The following DMBT1 variants were observed in gnomAD, a reference collection of about 807,000 sequenced individuals.
The protein encoded by DMBT1 is deleted in malignant brain tumors 1.
DMBT1 carries 198 observed loss-of-function variants against 252.9 expected under a neutral mutation model. The ratio of observed to expected loss-of-function variants is 0.78; its 90% CI spans 0.70 to 0.88. DMBT1 has a LOEUF of 0.88. DMBT1 is among the 40% of genes least tolerant of loss of function. The pLI is 0.00. For synonymous variants in DMBT1, 990 were observed against 942.7 expected (o/e 1.05, Z -0.92); for missense variants, 2,432 against 2,404.7 (o/e 1.01, Z -0.24).
intron 55 of DMBT1, among the ~76,000 whole-genome samples, chr10:122,642,752 T>G (rs934036790): frequency 6.6e-6 from 1 of 152,306 alleles, no homozygotes; most frequent in East Asian, 1.9e-4. Flanking sequence ...GCCCTGTCTC[T>G]GGGTCCCGCT....
Position 122,580,849 on chromosome 10 carries a change from T to C in DMBT1, c.1004-17T>C, listed in dbSNP as rs757973081. 8 of 1,613,846 alleles carry C rather than the reference T, an allele frequency of 5.0e-6. No individual in the cohort carries two copies. Among genetic ancestry groups the C allele is most frequent in the Non-Finnish European group, 6.8e-6 (8 of 1,179,866 alleles). On this transcript the variant is annotated splice_polypyrimidine_tract_variant and intron_variant, in intron 10 of 55. Transcript: ENST00000338354. ...GTGTAATGTTCCTGATCTGACCTTC[T>C]CTTCTCTTTCTCACAGCTCCCCAGT...
In DMBT1 at chr10:122,617,551, T is replaced by G. The variant is rs1422552440; in HGVS notation, c.4891+291T>G. ...CCTAATCCTGCTGGGACCTCTTTCC[T>G]GGCCCTCTGACCACGCACTGCAGAC... is the stretch of plus-strand genomic sequence containing the variant. On this transcript the variant is annotated intron_variant, in intron 40 of 55. Coordinates refer to ENST00000338354, the MANE Select transcript of DMBT1 (RefSeq NM_001377530.1). 1.3e-5 allele frequency among the ~76,000 whole-genome samples: 2 copies of G among 151,628 alleles called. 1 individual carries two copies. The highest frequency in any genetic ancestry group is 4.0e-4 in the East Asian group (2 of 4,994).
chr10:122,642,208 G>A (rs1033525044), intron 55 of DMBT1, among the ~76,000 whole-genome samples: 1 of 151,798 alleles, frequency 6.6e-6, no homozygotes, highest in Non-Finnish European at 1.5e-5. Flanking sequence ...AGAAAACTTG[G>A]TATTTGAGAG....
intron 46 of DMBT1, among the ~76,000 whole-genome samples, chr10:122,626,823 A>G (rs532256834): frequency 6.6e-6 from 1 of 152,314 alleles, no homozygotes; most frequent in East Asian, 1.9e-4. Context: ...ATCTTCCTTG[A>G]TTGGGGAGTT....
At chr10:122,632,994 A>G (rs2098178529) in intron 51 of DMBT1, 104 bp downstream of exon 51, 6 of 1,561,846 alleles carry the variant, frequency 3.8e-6, no homozygotes, top group Non-Finnish European at 5.2e-6. Flanking sequence ...GCTTCCCCCA[A>G]AGTGGTCTCC....
rs1591598063 is a variant in DMBT1, at chr10:122,636,252, T to C, written c.6757+53T>C. On this transcript the variant is annotated intron_variant, in intron 53 of 55. Coordinates refer to ENST00000338354, the MANE Select transcript of DMBT1 (RefSeq NM_001377530.1). ...TGGGACTGGGGACATCCTGAGAGCA[T>C]CTGTGGCTCAACTGTCCTGTTGTTG... is the stretch of plus-strand genomic sequence containing the variant. 2.0e-6 allele frequency: 3 copies of C among 1,480,470 alleles called. No homozygotes were observed. In the East Asian group the frequency reaches 7.0e-5, roughly 34 times the overall value. 91.7% of individuals were successfully genotyped at this position (1,480,470 alleles called of 1,614,324 possible). A position where few individuals can be genotyped will look rare whatever the true frequency, so the allele number is the denominator to read the frequency against.
At position 122,589,998 on chromosome 10, in the gene DMBT1, G is replaced by A. The variant is rs546118148; in HGVS notation, c.2108-667G>A. The stretch of plus-strand genomic sequence containing the variant: ...GGGTTCCATCTTTCCCCCACTGAAA[G>A]GTTTAGGTGAGGGTGAGGTGGATGG... On this transcript the variant is annotated intron_variant, in intron 17 of 55. Transcript: ENST00000338354. Among the ~76,000 whole-genome samples the A allele has an allele frequency of 6.7e-5, 10 of 148,652 alleles. 2 individuals carry two copies. In the South Asian group the frequency reaches 2.3e-3, roughly 34 times the overall value.
rs748561929 is a variant in DMBT1, at chr10:122,586,234, G to A, written c.1634G>A (p.Gly545Glu). 4.4e-6 allele frequency: 7 copies of A among 1,588,956 alleles called. No individual in the cohort carries two copies. The South Asian group carries it at 6.9e-5, about 16-fold the overall frequency. ...TGTGGCTGGGCCATGTTGGCCCCAGGAAATGCCCGGTTTGGTCAGGGCTCA... is the reference window on the plus strand; with the variant it reads ...TGTGGCTGGGCCATGTTGGCCCCAGAAAATGCCCGGTTTGGTCAGGGCTCA... ...LGCGWAMLAP[G>E]NARFGQGSGP... Residue 545 changes from glycine (G) to glutamate (E), a missense_variant, in exon 16 of 56, where the codon GGA becomes GAA. Gly to Glu is a moderately conservative substitution (Grantham distance 98). Coordinates refer to ENST00000338354, the MANE Select transcript of DMBT1 (RefSeq NM_001377530.1).
At chr10:122,636,520 C>T (rs7916106) in intron 53 of DMBT1, among the ~76,000 whole-genome samples, 18,246 of 152,204 alleles carry the variant, frequency 0.12, 1,576 homozygotes, top group East Asian at 0.38. Flanking sequence ...TGGCTTGAAA[C>T]CTTGTGACCT....
chr10:122,617,364 T>A (rs559645360), intron 40 of DMBT1, 104 bp downstream of exon 40: 8 of 1,384,000 alleles, frequency 5.8e-6, no homozygotes, highest in Non-Finnish European at 8.1e-6. Context: ...TCTTTTCATG[T>A]CCCTGTGGGT....
In DMBT1 at chr10:122,631,291, A is replaced by G; in HGVS notation, c.6346+10A>G. Reference sequence around the variant, plus strand: ...GGTGTCATCTGCTCAGGTATGGCCCAATGCCATGGAAGGCCCATTTCACCT... The same window carrying G: ...GGTGTCATCTGCTCAGGTATGGCCCGATGCCATGGAAGGCCCATTTCACCT... On this transcript the variant is annotated intron_variant, in intron 49 of 55. Transcript: ENST00000338354. 1.2e-6 allele frequency: 2 copies of G among 1,608,046 alleles called. No homozygotes were observed. Among genetic ancestry groups the G allele is most frequent in the Non-Finnish European group, 1.7e-6 (2 of 1,174,984 alleles).
rs1265944900 is a variant in DMBT1, at chr10:122,629,951, T to C, written c.5780T>C (p.Val1927Ala). The C allele has an allele frequency of 1.2e-6, 2 of 1,613,972 alleles. No individual in the cohort carries two copies. Among genetic ancestry groups the C allele is most frequent in the Admixed American group, 1.7e-5 (1 of 60,008 alleles). ...GCTAAGTGTGTTTGGGAAATAGAAG[T>C]GAATTCTGGTTATCGCATAAACCTG... Reference protein sequence around the residue: ...NNAKCVWEIEVNSGYRINLGF... With the variant: ...NNAKCVWEIEANSGYRINLGF... The change falls in exon 47 of 56, where the codon GTG (valine) becomes GCG (alanine). Residue 1927 changes from valine (V) to alanine (A), a missense_variant. Val to Ala is a moderately conservative substitution (Grantham distance 64). Coordinates refer to ENST00000338354, the MANE Select transcript of DMBT1 (RefSeq NM_001377530.1).
In DMBT1 at chr10:122,560,939, G is replaced by A. The variant is rs1369613176; in HGVS notation, c.61+108G>A. On this transcript the variant is annotated intron_variant, in intron 1 of 55. Coordinates refer to ENST00000338354, the MANE Select transcript of DMBT1 (RefSeq NM_001377530.1). Reference sequence around the variant, plus strand: ...AAGGGAAGTTTTATATCAAAGAGTGGGTAGCACTTTGCTGATAATTGTAAT... The same window carrying A: ...AAGGGAAGTTTTATATCAAAGAGTGAGTAGCACTTTGCTGATAATTGTAAT... 9.4e-6 allele frequency: 7 copies of A among 745,744 alleles called. No homozygotes were observed. The African/African-American group carries it at 1.2e-4, about 13-fold the overall frequency. The allele number at this position is 745,744 out of a possible 1,614,324, so 46.2% of individuals were successfully genotyped here.
rs1318407465 is a variant in DMBT1 at position 122,592,395 on chromosome 10, C to T, written c.2300C>T (p.Ala767Val). 2.5e-6 allele frequency: 4 copies of T among 1,588,434 alleles called. No homozygotes were observed. Among genetic ancestry groups the T allele is most frequent in the Admixed American group, 1.7e-5 (1 of 59,566 alleles). The change falls in exon 20 of 56, where the codon GCC (alanine) becomes GTC (valine). Residue 767 changes from alanine to valine, a missense_variant. Transcript: ENST00000338354. ...VCDDSWDTNDANVVCRQLGCG... is the reference protein window; with the variant it reads ...VCDDSWDTNDVNVVCRQLGCG... Reference sequence around the variant, plus strand: ...GATGACAGCTGGGATACCAATGATGCCAATGTGGTCTGCAGGCAGCTGGGC... The same window carrying T: ...GATGACAGCTGGGATACCAATGATGTCAATGTGGTCTGCAGGCAGCTGGGC...
intron 26 of DMBT1, among the ~76,000 whole-genome samples, chr10:122,599,795 C>A (rs138794787): frequency 6.6e-6 from 1 of 152,088 alleles, no homozygotes; most frequent in Non-Finnish European, 1.5e-5. Context: ...ATGCCTAAGA[C>A]GTGCAAGGGA....
At chr10:122,585,945 G>T in intron 15 of DMBT1, 115 bp from the exon 16 acceptor site, 1 of 1,531,900 alleles carries the variant, frequency 6.5e-7, no homozygotes, top group Admixed American at 1.8e-5. Flanking sequence ...ATATTCAAAG[G>T]TGACTGCCTG....
chr10:122,599,888 C>A (rs2097924220), intron 26 of DMBT1, among the ~76,000 whole-genome samples, 176 bp from the exon 27 acceptor site: 1 of 152,122 alleles, frequency 6.6e-6, no homozygotes, highest in African/African-American at 2.4e-5. Context: ...ACAGGATCTG[C>A]CTCGACCCCT....
At chr10:122,634,828 G>A (rs2098213296) in intron 52 of DMBT1, among the ~76,000 whole-genome samples, 1 of 152,148 alleles carries the variant, frequency 6.6e-6, no homozygotes, top group Non-Finnish European at 1.5e-5. Flanking sequence ...ATTTATCCAA[G>A]GAGGCGGGTG....
At chr10:122,574,596 G>A (rs1480005189) in intron 6 of DMBT1, among the ~76,000 whole-genome samples, 2 of 152,194 alleles carry the variant, frequency 1.3e-5, no homozygotes, top group Non-Finnish European at 2.9e-5. Context: ...CACTTGAAGT[G>A]AGGGTGAGAC....
Sources: gnomAD v4.1 joint callset for allele counts (sites outside exome capture counted in the v4.1 genomes callset) on GRCh38, gnomAD v4.1.1 for gene constraint, MANE v1.5 for transcripts, NCBI Gene and HGNC (gene_info 2026-07-23, HGNC 2026-07-21) for gene names.